The following CLEC4C variants were observed in gnomAD, a reference collection of about 807,000 sequenced individuals.
CLEC4C encodes the protein C-type lectin domain family 4 member C, also known as C-type (calcium dependent, carbohydrate-recognition domain) lectin, superfamily member 11.
Under a neutral mutation model 27.7 loss-of-function variants are expected in CLEC4C, and 17 were observed. That is an observed-to-expected ratio of 0.61 (90% CI 0.42 to 0.92). CLEC4C has a LOEUF of 0.92. Ranked by LOEUF, CLEC4C falls within the 40% of genes least tolerant of loss-of-function variation. The pLI is 0.00. For synonymous variants in CLEC4C, 80 were observed against 80.8 expected, an observed-to-expected ratio of 0.99 and a Z score of 0.06; for missense variants, 244 against 257.3, an observed-to-expected ratio of 0.95 and a Z score of 0.35.
rs1167490163 is a variant in CLEC4C, at chr12:7,730,825, C to T, written c.469G>A (p.Asp157Asn). 6.2e-7 allele frequency: 1 copy of T among 1,604,018 alleles called. No homozygotes were observed. Among genetic ancestry groups the T allele is most frequent in the East Asian group, 2.2e-5 (1 of 44,792 alleles). Residue 157 changes from aspartate to asparagine, a missense_variant, in exon 5 of 6, where the codon GAC (aspartate) becomes AAC (asparagine). Asp to Asn is a conservative substitution (Grantham distance 23). Transcript: ENST00000360345. The part of the protein sequence containing the change: ...PGGRRHWQWV[D>N]QTPYNENVTF... ...ACATTTTCATTGTATGGTGTCTGGT[C>T]AACCCATTGCCAATGTCGCCGACCC...
chr12:7,746,819 GTTTTTCTT>G (rs778300145), intron 1 of CLEC4C, among the ~76,000 whole-genome samples: 17 of 152,152 alleles, frequency 1.1e-4, no homozygotes, highest in Non-Finnish European at 2.4e-4. Flanking sequence ...GGCCCGAGTT[GTTTTTCTT>G]TTTTTCTTTT....
rs202069103 is a variant in CLEC4C at position 7,737,322 on chromosome 12, A to G, written c.381+107T>C. The stretch of plus-strand genomic sequence containing the variant: ...GTTTTTTGGGTTTTTTTTTACCCAG[A>G]AGTTTTTTTTTTTTTCCTGTCTTTG... On this transcript the variant is annotated intron_variant, in intron 4 of 5. Coordinates refer to ENST00000360345, the MANE Select transcript of CLEC4C (RefSeq NM_001371390.1). 9.7e-5 allele frequency: 93 copies of G among 959,662 alleles called. No homozygotes were observed. In the African/African-American group the frequency reaches 1.3e-3, roughly 13 times the overall value. 59.4% of individuals were successfully genotyped at this position (959,662 alleles called of 1,614,324 possible).
At chr12:7,730,754 A>G (rs1185309669) in intron 5 of CLEC4C, 43 bp downstream of exon 5, 2 of 1,009,498 alleles carry the variant, frequency 2.0e-6, no homozygotes, top group South Asian at 1.3e-5. Flanking sequence ...CTAAACCCCT[A>G]CATGATCAGG....
At chr12:7,729,794 T>TA in intron 5 of CLEC4C, 54 bp from the exon 6 acceptor site, 1 of 1,559,406 alleles carries the variant, frequency 6.4e-7, no homozygotes, top group South Asian at 1.1e-5. Flanking sequence ...TGGAAAAGGT[T>TA]AGAGACTGGG....
Position 7,743,562 on chromosome 12 carries a change from A to ATT in CLEC4C, c.125-2033_125-2032dup, listed in dbSNP as rs137896402. ...ACCGCGCCCGGCTAATTTTTTTTGT[A>ATT]TTTTTTTTTTAGTAGAGACAGGGTT... is the stretch of plus-strand genomic sequence containing the variant. On this transcript the variant is annotated intron_variant, in intron 2 of 5. Coordinates refer to ENST00000360345, the MANE Select transcript of CLEC4C (RefSeq NM_001371390.1). 4.8e-3 allele frequency among the ~76,000 whole-genome samples: 699 copies of ATT among 146,724 alleles called. 2 individuals carry two copies. Among genetic ancestry groups the ATT allele is most frequent in the African/African-American group, 8.1e-3 (324 of 39,788 alleles).
chr12:7,747,284 T>C (rs771575324), intron 1 of CLEC4C, 34 bp downstream of exon 1: 106 of 1,608,396 alleles, frequency 6.6e-5, no homozygotes, highest in Non-Finnish European at 8.3e-5. Context: ...CTGCTCCTAC[T>C]ACCTTCCCTA....
rs775163896 is a variant in CLEC4C at position 7,746,290 on chromosome 12, A to G, written c.124+41T>C. On this transcript the variant is annotated intron_variant, in intron 2 of 5. Coordinates refer to ENST00000360345, the MANE Select transcript of CLEC4C (RefSeq NM_001371390.1). ...AGGAAATTGATAAAATGTGATTGGG[A>G]AAAGGACCAAGAGATGACTGCACTC... is the stretch of plus-strand genomic sequence containing the variant. 6.2e-6 allele frequency: 7 copies of G among 1,125,604 alleles called. No individual in the cohort carries two copies. In the Admixed American group the frequency reaches 1.4e-4, roughly 23 times the overall value. 69.7% of individuals were successfully genotyped at this position (1,125,604 alleles called of 1,614,324 possible).
At chr12:7,735,292 C>G (rs1358485663) in intron 4 of CLEC4C, among the ~76,000 whole-genome samples, 1 of 151,872 alleles carries the variant, frequency 6.6e-6, no homozygotes, top group African/African-American at 2.4e-5. Context: ...CACCTGAGGT[C>G]AGGAGTTCGA....
chr12:7,746,833 C>CT (rs1254040526), intron 1 of CLEC4C, among the ~76,000 whole-genome samples: 4 of 149,748 alleles, frequency 2.7e-5, no homozygotes, highest in South Asian at 2.3e-4. Context: ...TTCTTTTTTT[C>CT]TTTTTTTTGA....
At chr12:7,730,718 G>T in intron 5 of CLEC4C, 79 bp downstream of exon 5, 12 of 645,548 alleles carry the variant, frequency 1.9e-5, no homozygotes, top group South Asian at 7.4e-5. Flanking sequence ...TTTATTGTTT[G>T]TTTGCTTAAT....
In CLEC4C at chr12:7,737,558, TG is replaced by T; in HGVS notation, c.251del (p.Pro84GlnfsTer30). ...GKDIEDWSCC[P>X]TPWTSFQSSC... ...TAGACTGAAATGAAGTCCAAGGGGT[TG>T]GGCAGCAGCTCCAATCTTCCCAAAT... On this transcript the variant is annotated frameshift_variant, in exon 4 of 6. Coordinates refer to ENST00000360345, the MANE Select transcript of CLEC4C (RefSeq NM_001371390.1). LOFTEE classifies it high-confidence loss of function. The T allele has an allele frequency of 1.9e-6, 3 of 1,613,010 alleles. No homozygotes were observed. The highest frequency in any genetic ancestry group is 2.5e-6 in the Non-Finnish European group (3 of 1,179,414).
chr12:7,749,133 C>T (rs11055588), upstream of CLEC4C: 33,781 of 152,174 alleles, frequency 0.22, 4,455 homozygotes, highest in Admixed American at 0.31. Context: ...AGGAGGGCAC[C>T]GCACACCATG....
At chr12:7,740,597 A>C (rs979467214) in intron 3 of CLEC4C, among the ~76,000 whole-genome samples, 1 of 151,760 alleles carries the variant, frequency 6.6e-6, no homozygotes, top group Non-Finnish European at 1.5e-5. Context: ...GTTACTTGGG[A>C]GGCCGAGGCA....
intron 2 of CLEC4C, among the ~76,000 whole-genome samples, chr12:7,742,765 G>A (rs1592097579): frequency 6.6e-6 from 1 of 151,720 alleles, no homozygotes; most frequent in Non-Finnish European, 1.5e-5. Flanking sequence ...AGCCGAGATC[G>A]CACCACTGCA....
intron 5 of CLEC4C, 106 bp from the exon 6 acceptor site, chr12:7,729,846 T>C: frequency 2.0e-6 from 2 of 981,734 alleles, no homozygotes; most frequent in Non-Finnish European, 3.0e-6. Context: ...AGGTCACGTC[T>C]ACCCAAACCA....
chr12:7,730,801 C>T lies in CLEC4C; in HGVS notation c.493G>A (p.Val165Ile). The change falls in exon 5 of 6, where the codon GTC (valine) becomes ATC (isoleucine). Residue 165 changes from valine to isoleucine, a missense_variant. By Grantham distance (29) the Val-to-Ile change is conservative. Coordinates refer to ENST00000360345, the MANE Select transcript of CLEC4C (RefSeq NM_001371390.1). ...TTTACCTCATTCTATACTCACGTGA[C>T]ATTTTCATTGTATGGTGTCTGGTCA... is the stretch of plus-strand genomic sequence containing the variant. ...WVDQTPYNENVTFWHSGEPNN... is the reference protein window; with the variant it reads ...WVDQTPYNENITFWHSGEPNN... 1 of 1,561,622 alleles carries T rather than the reference C, an allele frequency of 6.4e-7. No homozygotes were observed. The highest frequency in any genetic ancestry group is 1.1e-5 in the South Asian group (1 of 90,032).
At chr12:7,739,338 C>G (rs1212988457) in intron 3 of CLEC4C, among the ~76,000 whole-genome samples, 1 of 152,036 alleles carries the variant, frequency 6.6e-6, no homozygotes, top group Non-Finnish European at 1.5e-5. Flanking sequence ...GTCTCAATCT[C>G]TTGACCTCGT....
At chr12:7,735,634 G>A (rs763205025) in intron 4 of CLEC4C, among the ~76,000 whole-genome samples, 37 of 150,468 alleles carry the variant, frequency 2.5e-4, no homozygotes, top group South Asian at 1.1e-3. Flanking sequence ...GTGAAACCCC[G>A]TCTCTACTAA....
Position 7,737,522 on chromosome 12 carries a change from A to G in CLEC4C, c.288T>C (p.Phe96=), listed in dbSNP as rs771299204. Residue 96 remains phenylalanine, a synonymous_variant, in exon 4 of 6, where the codon TTT becomes TTC. Coordinates refer to ENST00000360345, the MANE Select transcript of CLEC4C (RefSeq NM_001371390.1). ...TCCAAGATTGCATCCCAGTAGAAATAAAGTAGCAACTAGACTGAAATGAAG... is the reference window on the plus strand; with the variant it reads ...TCCAAGATTGCATCCCAGTAGAAATGAAGTAGCAACTAGACTGAAATGAAG... ...PWTSFQSSCY[F]ISTGMQSWTK... is the part of the protein sequence containing the mutation. 1 of 1,614,028 alleles carries G rather than the reference A, an allele frequency of 6.2e-7. No homozygotes were observed. Among genetic ancestry groups the G allele is most frequent in the East Asian group, 2.2e-5 (1 of 44,876 alleles).
Sources: gnomAD v4.1 joint callset for allele counts (sites outside exome capture counted in the v4.1 genomes callset) on GRCh38, gnomAD v4.1.1 for gene constraint, MANE v1.5 for transcripts, NCBI Gene and HGNC (gene_info 2026-07-23, HGNC 2026-07-21) for gene names.